The following TPH2 variants were observed in gnomAD, a reference collection of about 807,000 sequenced individuals.
TPH2 encodes the protein tryptophan hydroxylase 2, also known as tryptophan 5-hydroxylase 2.
Under a neutral mutation model 59.1 loss-of-function variants are expected in TPH2, and 27 were observed. That is an observed-to-expected ratio of 0.46 (90% confidence interval 0.34 to 0.63). The LOEUF is 0.63. Among genes scored for constraint, TPH2 ranks in the 30% least tolerant of loss-of-function variants. The pLI is 0.01. For missense variants in TPH2, 523 were observed against 588.3 expected (o/e 0.89, Z 1.15); for synonymous variants, 220 against 210.5 (o/e 1.05, Z -0.39).
At chr12:72,026,504 A>G (rs1373242169) in intron 9 of TPH2, among the ~76,000 whole-genome samples, 1 of 152,190 alleles carries the variant, frequency 6.6e-6, no homozygotes, top group Admixed American at 6.5e-5. Context: ...TGTATAGAAG[A>G]GGCCCAAGGG....
At chr12:71,955,827 G>C (rs548440872) in intron 5 of TPH2, among the ~76,000 whole-genome samples, 11 of 152,062 alleles carry the variant, frequency 7.2e-5, no homozygotes, top group African/African-American at 2.2e-4. Context: ...CTCGGCCAAG[G>C]CTTTTGTATA....
At chr12:72,027,259 C>T (rs576799985) in intron 9 of TPH2, among the ~76,000 whole-genome samples, 17 of 152,250 alleles carry the variant, frequency 1.1e-4, no homozygotes, top group East Asian at 3.9e-4. Context: ...TAATTCTCTA[C>T]GGGTTTCAGA....
chr12:71,966,017 G>A (rs1261176261), intron 5 of TPH2, among the ~76,000 whole-genome samples: 1 of 152,030 alleles, frequency 6.6e-6, no homozygotes, highest in Non-Finnish European at 1.5e-5. Flanking sequence ...TTAAAAATAA[G>A]GTTATTCTTA....
At position 72,015,598 on chromosome 12, in the gene TPH2, C is replaced by A. The variant is rs777839790; in HGVS notation, c.1069-6801C>A. ...TCTCCCAAAGTGCTGGGATTACAGA[C>A]GTGAGCCACCGCGCCCGGCTTTATG... On this transcript the variant is annotated intron_variant, in intron 8 of 10. Transcript: ENST00000333850. Among the ~76,000 whole-genome samples the A allele has an allele frequency of 3.3e-5, 5 of 152,134 alleles. No individual in the cohort carries two copies. In the South Asian group the frequency reaches 1.0e-3, roughly 32 times the overall value.
In TPH2 at chr12:72,015,585, C is replaced by T. The variant is rs150853210; in HGVS notation, c.1069-6814C>T. Among the ~76,000 whole-genome samples, 681 of 152,194 alleles carry T rather than the reference C, an allele frequency of 4.5e-3. 8 individuals carry two copies. The highest frequency in any genetic ancestry group is 0.015 in the African/African-American group (640 of 41,516). On this transcript the variant is annotated intron_variant, in intron 8 of 10. Coordinates refer to ENST00000333850, the MANE Select transcript of TPH2 (RefSeq NM_173353.4). ...CCACCCGCGTCGGTCTCCCAAAGTG[C>T]TGGGATTACAGACGTGAGCCACCGC...
intron 8 of TPH2, among the ~76,000 whole-genome samples, chr12:72,001,903 A>C (rs1240627350): frequency 6.6e-6 from 1 of 152,076 alleles, no homozygotes; most frequent in Non-Finnish European, 1.5e-5. Flanking sequence ...GAAATGTTAA[A>C]GTATAAAAAA....
chr12:71,960,289 T>A (rs1871642532), intron 5 of TPH2, among the ~76,000 whole-genome samples: 1 of 152,190 alleles, frequency 6.6e-6, no homozygotes, highest in Non-Finnish European at 1.5e-5. Flanking sequence ...TTTTCTTTTT[T>A]AAAAAATCTG....
intron 4 of TPH2, among the ~76,000 whole-genome samples, chr12:71,946,934 G>C (rs1239960781): frequency 4.6e-5 from 7 of 152,178 alleles, no homozygotes; most frequent in Admixed American, 4.6e-4. Flanking sequence ...GATAAGGCTT[G>C]CACCAGAGGG....
chr12:71,951,974 A>G (rs1871362159), intron 5 of TPH2, among the ~76,000 whole-genome samples: 1 of 152,166 alleles, frequency 6.6e-6, no homozygotes, highest in Non-Finnish European at 1.5e-5. Context: ...GCAGTGAGCC[A>G]AGACTAAGGG....
At chr12:71,957,154 A>C (rs1871531180) in intron 5 of TPH2, among the ~76,000 whole-genome samples, 1 of 152,126 alleles carries the variant, frequency 6.6e-6, no homozygotes, top group Non-Finnish European at 1.5e-5. Context: ...AAATGGGCAC[A>C]ACACCTTGCA....
intron 5 of TPH2, among the ~76,000 whole-genome samples, chr12:71,953,880 G>A (rs1240876163): frequency 6.6e-6 from 1 of 152,180 alleles, no homozygotes; most frequent in African/African-American, 2.4e-5. Context: ...TACAGAGAAA[G>A]ATGGAGTATG....
chr12:72,032,419 G>A lies in TPH2; in HGVS notation c.*724G>A, dbSNP rs939867028. On this transcript the variant is annotated 3_prime_UTR_variant, in exon 11 of 11. Coordinates refer to ENST00000333850, the MANE Select transcript of TPH2 (RefSeq NM_173353.4). Reference sequence around the variant, plus strand: ...TCTTGGGACTATGAATTTTATGCTGGAATAAAGTAAATTATCATGTTCAGG... The same window carrying A: ...TCTTGGGACTATGAATTTTATGCTGAAATAAAGTAAATTATCATGTTCAGG... 4.6e-5 allele frequency: 7 copies of A among 152,182 alleles called. No individual in the cohort carries two copies. Among genetic ancestry groups the A allele is most frequent in the African/African-American group, 1.7e-4 (7 of 41,384 alleles). 9.4% of individuals were successfully genotyped at this position (152,182 alleles called of 1,614,324 possible). A position where few individuals can be genotyped will look rare whatever the true frequency, so the allele number is the denominator to read the frequency against.
At chr12:72,027,090 A>G (rs536793356) in intron 9 of TPH2, among the ~76,000 whole-genome samples, 11 of 152,066 alleles carry the variant, frequency 7.2e-5, no homozygotes, top group Admixed American at 3.9e-4. Flanking sequence ...CAGTCTTAAT[A>G]TAGATAGTGA....
At position 71,938,954 on chromosome 12, in the gene TPH2, C is replaced by A; in HGVS notation, c.-33C>A. 6.3e-7 allele frequency: 1 copy of A among 1,575,536 alleles called. No homozygotes were observed. Among genetic ancestry groups the A allele is most frequent in the East Asian group, 2.2e-5 (1 of 44,674 alleles). On this transcript the variant is annotated 5_prime_UTR_variant, in exon 1 of 11. It adds an upstream start codon to the 5' untranslated region. Transcript: ENST00000333850. ...GCTGCTACTGCCCCTCTAGTACCCCCTGCTGCAGAGAAAGAATATTACACC... is the reference window on the plus strand; with the variant it reads ...GCTGCTACTGCCCCTCTAGTACCCCATGCTGCAGAGAAAGAATATTACACC...
intron 8 of TPH2, among the ~76,000 whole-genome samples, chr12:72,008,475 C>T (rs1014863179): frequency 2.6e-5 from 4 of 152,258 alleles, no homozygotes; most frequent in African/African-American, 7.2e-5. Flanking sequence ...ATAGCTCTTA[C>T]GTTTATTTAG....
chr12:71,995,968 G>A (rs1458297091), intron 8 of TPH2, among the ~76,000 whole-genome samples: 1 of 152,176 alleles, frequency 6.6e-6, no homozygotes, highest in Non-Finnish European at 1.5e-5. Context: ...TATCCATCAC[G>A]ATATAATAAA....
At chr12:72,027,149 A>G (rs893789337) in intron 9 of TPH2, among the ~76,000 whole-genome samples, 3 of 152,128 alleles carry the variant, frequency 2.0e-5, no homozygotes, top group Non-Finnish European at 2.9e-5. Flanking sequence ...ACTGTCATTG[A>G]AAAAGCAGGT....
chr12:72,013,798 T>C (rs1423047768), intron 8 of TPH2, among the ~76,000 whole-genome samples: 4 of 152,162 alleles, frequency 2.6e-5, no homozygotes, highest in Non-Finnish European at 5.9e-5. Flanking sequence ...AAAAATGTGA[T>C]TTGATGAAGT....
intron 4 of TPH2, among the ~76,000 whole-genome samples, chr12:71,947,979 G>A (rs1592860608): frequency 1.3e-5 from 2 of 152,076 alleles, no homozygotes; most frequent in South Asian, 4.1e-4. Flanking sequence ...TTTTGTCATG[G>A]CCTGTTTTCT....
Sources: allele counts gnomAD v4.1 joint callset (sites outside exome capture counted in the v4.1 genomes callset), GRCh38; gene constraint gnomAD v4.1.1; transcripts MANE v1.5; gene names NCBI Gene and HGNC (gene_info 2026-07-23, HGNC 2026-07-21).